The following HDAC9 variants were observed in gnomAD, a reference collection of about 807,000 sequenced individuals.
HDAC9 encodes histone deacetylase 9, also known as MEF-2 interacting transcription repressor (MITR) protein.
HDAC9 carries 41 observed loss-of-function variants against 139.4 expected under a neutral mutation model. That is an observed-to-expected ratio of 0.29 (90% CI 0.23 to 0.38). The LOEUF (loss-of-function observed/expected upper bound fraction) is 0.38. HDAC9 is among the 10% of genes least tolerant of loss of function. HDAC9 has a pLI of 1.00. For synonymous variants in HDAC9, 517 were observed against 476.2 expected (o/e 1.09, Z -1.12); for missense variants, 1,147 against 1,297.0 (o/e 0.88, Z 1.78).
chr7:18,644,815 G>C, intron 9 of HDAC9, 22 bp downstream of exon 9: 1 of 1,601,846 alleles, frequency 6.2e-7, no homozygotes, highest in Non-Finnish European at 8.5e-7. Context: ...CACAGCATCA[G>C]CCTTAATCAA....
chr7:18,757,785 G>C (rs1789012825), intron 14 of HDAC9, among the ~76,000 whole-genome samples: 1 of 152,068 alleles, frequency 6.6e-6, no homozygotes, highest in African/African-American at 2.4e-5. Context: ...TCCTGTCACA[G>C]TATGACTTTG....
At chr7:18,326,273 C>T (rs1489188350) in intron 1 of HDAC9, among the ~76,000 whole-genome samples, 1 of 152,034 alleles carries the variant, frequency 6.6e-6, no homozygotes, top group Non-Finnish European at 1.5e-5. Flanking sequence ...AAATTCCCTA[C>T]ATTCTTCAAA....
intron 11 of HDAC9, among the ~76,000 whole-genome samples, chr7:18,662,905 A>C (rs1793660400): frequency 1.3e-5 from 2 of 152,124 alleles, no homozygotes; most frequent in South Asian, 4.1e-4. Context: ...TAGCTCATTC[A>C]GCTGCTTGGG....
At chr7:18,344,704 A>T (rs1008796082) in intron 1 of HDAC9, among the ~76,000 whole-genome samples, 2 of 152,028 alleles carry the variant, frequency 1.3e-5, no homozygotes, top group Non-Finnish European at 2.9e-5. Context: ...ATTTGTTCAA[A>T]GTGCAAATAT....
rs1784526035 is a variant in HDAC9 at position 18,976,010 on chromosome 7, A to G, written c.3170+57A>G. The G allele has an allele frequency of 9.7e-6, 15 of 1,543,936 alleles. No individual in the cohort carries two copies. In the South Asian group the frequency reaches 1.8e-4, roughly 19 times the overall value. On this transcript the variant is annotated intron_variant, in intron 25 of 25. Coordinates refer to ENST00000686413, the MANE Select transcript of HDAC9 (RefSeq NM_178425.4). Reference sequence around the variant, plus strand: ...TCAGTCATATCCAGGCTCATCGTTGATATTTGTGAATCTTCCTCCTGGCTT... The same window carrying G: ...TCAGTCATATCCAGGCTCATCGTTGGTATTTGTGAATCTTCCTCCTGGCTT...
chr7:18,269,418 A>T (rs1796208433), intron 2 of HDAC9, among the ~76,000 whole-genome samples: 1 of 152,176 alleles, frequency 6.6e-6, no homozygotes, highest in African/African-American at 2.4e-5. Context: ...TGCCTGAGAA[A>T]ATCCTAAAGT....
chr7:18,398,244 C>G (rs1293579180), intron 1 of HDAC9, among the ~76,000 whole-genome samples: 3 of 152,112 alleles, frequency 2.0e-5, no homozygotes, highest in Admixed American at 6.5e-5. Flanking sequence ...AAGCACAACT[C>G]AGAAAAACAT....
chr7:18,398,953 T>A (rs1787297239), intron 1 of HDAC9, among the ~76,000 whole-genome samples: 1 of 152,138 alleles, frequency 6.6e-6, no homozygotes, highest in Non-Finnish European at 1.5e-5. Context: ...ATAATAATAG[T>A]TGTATTTACC....
At chr7:18,732,130 G>A (rs977143891) in intron 13 of HDAC9, among the ~76,000 whole-genome samples, 10 of 152,180 alleles carry the variant, frequency 6.6e-5, no homozygotes, top group Non-Finnish European at 1.3e-4. Flanking sequence ...AAAGTGCTGG[G>A]ATTACAGGTG....
At chr7:18,933,541 G>GT (rs145932772) in intron 22 of HDAC9, among the ~76,000 whole-genome samples, 4,053 of 152,106 alleles carry the variant, frequency 0.027, 169 homozygotes, top group African/African-American at 0.093. Context: ...TTGGGGTGTA[G>GT]TCACATTCAG....
At chr7:18,454,615 AATTT>A (rs896386842) in intron 1 of HDAC9, among the ~76,000 whole-genome samples, 2 of 152,106 alleles carry the variant, frequency 1.3e-5, no homozygotes, top group African/African-American at 2.4e-5. Flanking sequence ...GGTAAAATAA[AATTT>A]ATTTATTTAC....
At chr7:18,489,845 G>C (rs2128133894) in intron 1 of HDAC9, among the ~76,000 whole-genome samples, 1 of 152,088 alleles carries the variant, frequency 6.6e-6, no homozygotes, top group South Asian at 2.1e-4. Flanking sequence ...GCTGCAGAGA[G>C]GGGCTGATGT....
intron 13 of HDAC9, among the ~76,000 whole-genome samples, chr7:18,731,712 G>A (rs1584931232): frequency 2.6e-5 from 4 of 152,156 alleles, no homozygotes; most frequent in Admixed American, 1.3e-4. Flanking sequence ...CACAACCTCC[G>A]CCTCCCGGGT....
intron 12 of HDAC9, among the ~76,000 whole-genome samples, chr7:18,717,431 CTT>C (rs59746761): frequency 1.0e-4 from 14 of 137,214 alleles, no homozygotes; most frequent in Admixed American, 1.5e-4. Flanking sequence ...TTACAATTTC[CTT>C]TTTTTTTTTT....
chr7:18,489,236 A>T (rs917429453), intron 1 of HDAC9, among the ~76,000 whole-genome samples: 2 of 152,044 alleles, frequency 1.3e-5, no homozygotes, highest in Non-Finnish European at 2.9e-5. Flanking sequence ...AAGTTGATGC[A>T]TGAAACTTTT....
intron 17 of HDAC9, among the ~76,000 whole-genome samples, chr7:18,820,444 C>G (rs1794878987): frequency 6.6e-6 from 1 of 152,186 alleles, no homozygotes; most frequent in Non-Finnish European, 1.5e-5. Flanking sequence ...AACATTTTCA[C>G]AGTTTCATCA....
intron 1 of HDAC9, among the ~76,000 whole-genome samples, chr7:18,346,914 G>C (rs1399028414): frequency 1.3e-5 from 2 of 152,058 alleles, no homozygotes; most frequent in Admixed American, 1.3e-4. Flanking sequence ...TTGTTTTCTA[G>C]GTCTAAAATG....
chr7:18,530,092 C>G (rs957736467), intron 2 of HDAC9, among the ~76,000 whole-genome samples: 5 of 151,294 alleles, frequency 3.3e-5, no homozygotes, highest in African/African-American at 9.7e-5. Context: ...CCAGGCTGGG[C>G]AACAAAGCAA....
At chr7:18,658,908 A>AAC (rs1562790783) in intron 11 of HDAC9, among the ~76,000 whole-genome samples, 2 of 151,514 alleles carry the variant, frequency 1.3e-5, no homozygotes, top group Admixed American at 6.6e-5. Context: ...GCAAAAAAAA[A>AAC]AAAAACAAAA....
Sources: gnomAD v4.1 joint callset for allele counts (sites outside exome capture counted in the v4.1 genomes callset) on GRCh38, gnomAD v4.1.1 for gene constraint, MANE v1.5 for transcripts, NCBI Gene and HGNC (gene_info 2026-07-23, HGNC 2026-07-21) for gene names.